ULK4: variants seen among roughly 807,000 people sequenced by gnomAD.
The protein encoded by ULK4 is inactive serine/threonine-protein kinase ULK4.
Under a neutral mutation model 160.6 loss-of-function variants are expected in ULK4, and 133 were observed. The observed-to-expected ratio is 0.83, with a 90% CI of 0.72 to 0.96. The LOEUF is 0.96. Ranked by LOEUF, ULK4 falls within the 40% of genes least tolerant of loss-of-function variation. The pLI is 0.00. For synonymous variants in ULK4, 534 were observed against 539.8 expected (o/e 0.99, Z 0.15); for missense variants, 1,580 against 1,499.5 (o/e 1.05, Z -0.89).
intron 21 of ULK4, among the ~76,000 whole-genome samples, chr3:41,776,286 T>C (rs2039616965): frequency 6.6e-6 from 1 of 151,070 alleles, no homozygotes; most frequent in Non-Finnish European, 1.5e-5. Flanking sequence ...TCTTAACTTT[T>C]CCTTTTCATT....
At position 41,488,742 on chromosome 3, in the gene ULK4, T is replaced by G. The variant is rs148715125; in HGVS notation, c.3227-25489A>C. 4.5e-3 allele frequency among the ~76,000 whole-genome samples: 679 copies of G among 152,288 alleles called. 10 individuals carry two copies. The highest frequency in any genetic ancestry group is 0.033 in the Admixed American group (498 of 15,286). On this transcript the variant is annotated intron_variant, in intron 32 of 36. Coordinates refer to ENST00000301831, the MANE Select transcript of ULK4 (RefSeq NM_017886.4). ...ACACTTTTGTAAGGTTTGTTCCACTTTGAAGAAAGTTTCAAGTGTCTTAGC... is the reference window on the plus strand; with the variant it reads ...ACACTTTTGTAAGGTTTGTTCCACTGTGAAGAAAGTTTCAAGTGTCTTAGC...
intron 32 of ULK4, among the ~76,000 whole-genome samples, chr3:41,506,767 A>ATATATATATATAT (rs1553684747): frequency 1.8e-5 from 1 of 56,766 alleles, no homozygotes; most frequent in African/African-American, 8.2e-5. Context: ...TGTGATTTAA[A>ATATATATATATAT]ATATATATAT....
At chr3:41,779,862 C>T (rs1374138728) in intron 21 of ULK4, among the ~76,000 whole-genome samples, 4 of 87,102 alleles carry the variant, frequency 4.6e-5, no homozygotes, top group African/African-American at 1.5e-4. Flanking sequence ...GGAGGGATAG[C>T]ATTGGGAGAT....
At chr3:41,396,348 C>G (rs955394282) in intron 35 of ULK4, among the ~76,000 whole-genome samples, 1 of 138,938 alleles carries the variant, frequency 7.2e-6, no homozygotes, top group African/African-American at 2.8e-5. Flanking sequence ...AAAAAAAAAT[C>G]TGATCCTGAG....
At chr3:41,532,472 T>G (rs1243220551) in intron 32 of ULK4, among the ~76,000 whole-genome samples, 2 of 152,220 alleles carry the variant, frequency 1.3e-5, no homozygotes, top group African/African-American at 4.8e-5. Context: ...ATCTTAATTT[T>G]GTTTGTTTTT....
At chr3:41,754,335 G>A in intron 22 of ULK4, 26 bp downstream of exon 22, 2 of 1,603,234 alleles carry the variant, frequency 1.2e-6, no homozygotes, top group African/African-American at 1.3e-5. Context: ...TGAAGTTACT[G>A]ATGAAACCAT....
chr3:41,329,112 G>C (rs549590468), intron 35 of ULK4, among the ~76,000 whole-genome samples: 1 of 152,244 alleles, frequency 6.6e-6, no homozygotes, highest in South Asian at 2.1e-4. Flanking sequence ...TGTTGAGAAT[G>C]TCCTATAAAT....
At chr3:41,686,563 C>G (rs560885155) in intron 27 of ULK4, among the ~76,000 whole-genome samples, 2 of 152,072 alleles carry the variant, frequency 1.3e-5, no homozygotes, top group Non-Finnish European at 2.9e-5. Context: ...TAAAAGTCAT[C>G]TAGATAATAA....
intron 25 of ULK4, among the ~76,000 whole-genome samples, chr3:41,713,221 T>C (rs989487925): frequency 1.3e-5 from 2 of 152,210 alleles, no homozygotes; most frequent in Non-Finnish European, 2.9e-5. Flanking sequence ...CTGTAGAATG[T>C]TGGATGAGTA....
chr3:41,824,367 C>A (rs1013002649), intron 18 of ULK4, among the ~76,000 whole-genome samples: 1 of 151,968 alleles, frequency 6.6e-6, no homozygotes, highest in African/African-American at 2.4e-5. Context: ...CAGGGTGAGG[C>A]ATTGCCTCAC....
chr3:41,908,400 C>T (rs1033253778), intron 11 of ULK4, among the ~76,000 whole-genome samples: 6 of 152,150 alleles, frequency 3.9e-5, no homozygotes, highest in Admixed American at 6.6e-5. Context: ...CCTGCCATAC[C>T]GTATGGGCCA....
chr3:41,500,250 G>T (rs1444289488), intron 32 of ULK4, among the ~76,000 whole-genome samples: 1 of 140,936 alleles, frequency 7.1e-6, no homozygotes. Flanking sequence ...TTCCTAAATT[G>T]CAAGCCTAGC....
chr3:41,721,362 A>ATT (rs1192444773), intron 22 of ULK4, among the ~76,000 whole-genome samples: 363 of 27,954 alleles, frequency 0.013, 14 homozygotes, highest in Non-Finnish European at 0.018. Flanking sequence ...ATATATATAT[A>ATT]TTTTTTTTTT....
intron 5 of ULK4, among the ~76,000 whole-genome samples, chr3:41,921,488 G>C (rs545740978): frequency 6.6e-6 from 1 of 151,772 alleles, no homozygotes; most frequent in East Asian, 2.0e-4. Flanking sequence ...GGTGGCAGGC[G>C]CCTGTAGTCC....
chr3:41,762,694 G>A (rs544976718), intron 21 of ULK4, among the ~76,000 whole-genome samples: 36 of 125,706 alleles, frequency 2.9e-4, no homozygotes, highest in African/African-American at 4.9e-4. Context: ...ACAGAGTCTC[G>A]CTCTGTCGCC....
chr3:41,444,442 A>G (rs779707797), intron 34 of ULK4, among the ~76,000 whole-genome samples: 12 of 151,796 alleles, frequency 7.9e-5, no homozygotes, highest in African/African-American at 1.2e-4. Flanking sequence ...TGAATTTGTT[A>G]TAAGTTGTGG....
intron 32 of ULK4, among the ~76,000 whole-genome samples, chr3:41,481,854 A>G (rs1485097703): frequency 6.6e-6 from 1 of 151,724 alleles, no homozygotes; most frequent in Non-Finnish European, 1.5e-5. Context: ...AAAAGAACAA[A>G]AGCATTCCTA....
At chr3:41,788,708 G>GAA (rs138437052) in intron 21 of ULK4, among the ~76,000 whole-genome samples, 36 of 151,384 alleles carry the variant, frequency 2.4e-4, no homozygotes, top group Middle Eastern at 3.4e-3. Context: ...AAGAAAAAAA[G>GAA]AAAAAGAAAA....
intron 17 of ULK4, among the ~76,000 whole-genome samples, chr3:41,837,166 G>A (rs932118437): frequency 1.3e-5 from 2 of 152,174 alleles, no homozygotes; most frequent in Admixed American, 1.3e-4. Context: ...GATGCAGGTG[G>A]GACAGCTGCA....
Sources: allele counts gnomAD v4.1 joint callset (sites outside exome capture counted in the v4.1 genomes callset), GRCh38; gene constraint gnomAD v4.1.1; transcripts MANE v1.5; gene names NCBI Gene and HGNC (gene_info 2026-07-23, HGNC 2026-07-21).